STAP2: variants seen among roughly 807,000 people sequenced by gnomAD.
STAP2 encodes signal-transducing adaptor protein 2.
In STAP2, 58 loss-of-function variants were observed where a neutral mutation model predicts 52.7. That is an observed-to-expected ratio of 1.10 (90% CI 0.89 to 1.37). The LOEUF is 1.37. Ranked by LOEUF, STAP2 falls within the 40% of genes most tolerant of loss-of-function variation. The pLI, the probability that STAP2 is intolerant of heterozygous loss-of-function variation, is 0.00. For missense variants in STAP2, 522 were observed against 519.4 expected, an observed-to-expected ratio of 1.00 and a Z score of -0.05; for synonymous variants, 231 against 210.5, an observed-to-expected ratio of 1.10 and a Z score of -0.84.
At chr19:4,331,952 AAAG>A in intron 4 of STAP2, 67 bp downstream of exon 4, 1 of 1,503,664 alleles carries the variant, frequency 6.7e-7, no homozygotes, top group South Asian at 1.2e-5. Flanking sequence ...AAAAAGAAAG[AAAG>A]AAAAAGGAGG....
intron 11 of STAP2, chr19:4,324,978 CAAA>C (rs879722750): frequency 3.7e-4 from 152 of 411,800 alleles, no homozygotes; most frequent in African/African-American, 2.9e-3. Context: ...ACTAAAAATA[CAAA>C]AAAAAAAATT....
chr19:4,333,016 C>G (rs1213452707), intron 3 of STAP2, among the ~76,000 whole-genome samples: 1 of 151,428 alleles, frequency 6.6e-6, no homozygotes, highest in South Asian at 2.1e-4. Flanking sequence ...ATGGTGAAAC[C>G]CTGTCTCTAC....
chr19:4,326,285 G>A (rs1037741885), intron 9 of STAP2, among the ~76,000 whole-genome samples: 4 of 152,244 alleles, frequency 2.6e-5, no homozygotes, highest in African/African-American at 9.6e-5. Context: ...TTATGCATGT[G>A]TGATCTGTTG....
intron 4 of STAP2, 26 bp downstream of exon 4, chr19:4,331,996 A>G (rs1971898588): frequency 6.3e-7 from 1 of 1,599,712 alleles, no homozygotes; most frequent in Non-Finnish European, 8.5e-7. Context: ...AATGGGAGAG[A>G]GGGCGCAGAG....
Position 4,334,000 on chromosome 19 carries a change from A to C in STAP2, c.147T>G (p.Tyr49Ter), listed in dbSNP as rs542231271. The change falls in exon 2 of 13, where the codon TAT becomes TAG. Residue 49 changes from tyrosine (Y) to a stop codon, truncating the protein, a stop_gained. Coordinates refer to ENST00000594605, the MANE Select transcript of STAP2 (RefSeq NM_001013841.2). LOFTEE classifies it high-confidence loss of function. ...FWAGLQGLTI[Y>*]FYNSNRDFQH... The stretch of plus-strand genomic sequence containing the variant: ...GGAAGTCCCGATTGCTATTGTAGAA[A>C]TAAATGGTGAGACCCTGCAGGCCTG... The C allele has an allele frequency of 6.2e-7, 1 of 1,613,484 alleles. No individual in the cohort carries two copies. Among genetic ancestry groups the C allele is most frequent in the Non-Finnish European group, 8.5e-7 (1 of 1,179,734 alleles).
rs531475976 is a variant in STAP2 at position 4,337,558 on chromosome 19, A to C, written c.102+1094T>G. On this transcript the variant is annotated intron_variant, in intron 1 of 12. Coordinates refer to ENST00000594605, the MANE Select transcript of STAP2 (RefSeq NM_001013841.2). ...GCAAGACCCCATCTTCAAAAAAAAA[A>C]AAAAAAGGCTGGGTGCGGTGGCTCA... Among the ~76,000 whole-genome samples, 5 of 151,682 alleles carry C rather than the reference A, an allele frequency of 3.3e-5. No individual in the cohort carries two copies. The South Asian group carries it at 1.0e-3, about 32-fold the overall frequency.
intron 9 of STAP2, 53 bp downstream of exon 9, chr19:4,326,889 G>T: frequency 6.5e-7 from 1 of 1,545,200 alleles, no homozygotes. Flanking sequence ...GGGCGTGGCT[G>T]AATGCGGGGT....
At chr19:4,333,941 G>A (rs776020032) in intron 2 of STAP2, 32 bp downstream of exon 2, 1 of 1,610,932 alleles carries the variant, frequency 6.2e-7, no homozygotes, top group South Asian at 1.1e-5. Context: ...TCAAGGGAAG[G>A]CCTGCTCTGG....
chr19:4,337,355 C>CA (rs1330668541), intron 1 of STAP2, among the ~76,000 whole-genome samples: 1 of 151,034 alleles, frequency 6.6e-6, no homozygotes, highest in Non-Finnish European at 1.5e-5. Flanking sequence ...CCTCAGCCTC[C>CA]AGAGTAGCTG....
intron 4 of STAP2, among the ~76,000 whole-genome samples, chr19:4,331,018 C>G (rs1413647792): frequency 6.7e-6 from 1 of 150,292 alleles, no homozygotes; most frequent in Non-Finnish European, 1.5e-5. Context: ...TGGCCAATGT[C>G]AGCTAATTTT....
In STAP2 at chr19:4,325,315, G is replaced by A. The variant is rs765900877; in HGVS notation, c.980-7C>T. 14 of 1,614,216 alleles carry A rather than the reference G, an allele frequency of 8.7e-6. No homozygotes were observed. Among genetic ancestry groups the A allele is most frequent in the Non-Finnish European group, 1.2e-5 (14 of 1,180,038 alleles). Reference sequence around the variant, plus strand: ...GGCCAACTAGAGGAAGCCACTGCGTGGACAAAAGTGTAACGTGTCACATCA... The same window carrying A: ...GGCCAACTAGAGGAAGCCACTGCGTAGACAAAAGTGTAACGTGTCACATCA... On this transcript the variant is annotated splice_polypyrimidine_tract_variant and splice_region_variant and intron_variant, in intron 10 of 12. Transcript: ENST00000594605.
chr19:4,337,444 C>G (rs1971997639), intron 1 of STAP2, among the ~76,000 whole-genome samples: 1 of 149,216 alleles, frequency 6.7e-6, no homozygotes, highest in Non-Finnish European at 1.5e-5. Context: ...ATTGGCCAGG[C>G]TGGTCTCAAA....
chr19:4,329,586 C>T (rs1490093151), intron 5 of STAP2, among the ~76,000 whole-genome samples: 1 of 152,002 alleles, frequency 6.6e-6, no homozygotes, highest in African/African-American at 2.4e-5. Flanking sequence ...CGATGCTCCG[C>T]CCCCCATCCA....
intron 9 of STAP2, 28 bp downstream of exon 9, chr19:4,326,914 A>T (rs772141224): frequency 9.1e-5 from 141 of 1,544,864 alleles, no homozygotes; most frequent in Middle Eastern, 1.8e-4. Context: ...GATCCCTCCC[A>T]CCTCGGCCCG....
intron 4 of STAP2, among the ~76,000 whole-genome samples, chr19:4,330,979 C>G (rs59843745): frequency 1.3e-5 from 2 of 151,916 alleles, no homozygotes; most frequent in African/African-American, 4.8e-5. Flanking sequence ...TCCCAAAGTG[C>G]TGGGATTACA....
chr19:4,335,097 A>T (rs1322642314), intron 1 of STAP2, among the ~76,000 whole-genome samples: 1 of 141,528 alleles, frequency 7.1e-6, no homozygotes, highest in Non-Finnish European at 1.5e-5. Context: ...CCATCCACCC[A>T]CTCATCCATC....
chr19:4,326,164 C>T (rs1817204632), intron 9 of STAP2, among the ~76,000 whole-genome samples: 1 of 152,160 alleles, frequency 6.6e-6, no homozygotes, highest in African/African-American at 2.4e-5. Context: ...GAGTTTGTGC[C>T]GGTGCACGGA....
At chr19:4,325,682 G>T in intron 9 of STAP2, 137 bp from the exon 10 acceptor site, 1 of 1,142,842 alleles carries the variant, frequency 8.8e-7, no homozygotes, top group Non-Finnish European at 1.2e-6. Context: ...GTATAAGTCT[G>T]TGTCTGGGCC....
rs747768039 is a variant in STAP2 at position 4,327,011 on chromosome 19, G to GA, written c.764-5dup. ...TCCTTATCGGCTTCCACGTAGCCTGGAACAGAGAGGGCGGCCTGGAGGAAG... is the reference window on the plus strand; with the variant it reads ...TCCTTATCGGCTTCCACGTAGCCTGGAAACAGAGAGGGCGGCCTGGAGGAAG... On this transcript the variant is annotated splice_polypyrimidine_tract_variant and splice_region_variant and intron_variant, in intron 8 of 12. Transcript: ENST00000594605. 1.7e-5 allele frequency: 26 copies of GA among 1,567,416 alleles called. No individual in the cohort carries two copies. The highest frequency in any genetic ancestry group is 7.6e-5 in the Admixed American group (4 of 52,778).
Sources: allele counts gnomAD v4.1 joint callset (sites outside exome capture counted in the v4.1 genomes callset), GRCh38; gene constraint gnomAD v4.1.1; transcripts MANE v1.5; gene names NCBI Gene and HGNC (gene_info 2026-07-23, HGNC 2026-07-21).